ZNF609: variants seen among roughly 807,000 people sequenced by gnomAD.
ZNF609 encodes the protein zinc finger protein 609.
In ZNF609, 11 loss-of-function variants were observed where a neutral mutation model predicts 109.5. The ratio of observed to expected loss-of-function variants is 0.10; its 90% CI spans 0.06 to 0.17. The LOEUF (loss-of-function observed/expected upper bound fraction) is 0.17. Among genes scored for constraint, ZNF609 ranks in the 10% least tolerant of loss-of-function variants. ZNF609 has a pLI of 1.00. For missense variants in ZNF609, 1,559 were observed against 1,772.4 expected, an observed-to-expected ratio of 0.88 and a Z score of 2.16; for synonymous variants, 646 against 662.0, an observed-to-expected ratio of 0.98 and a Z score of 0.37.
At chr15:64,494,260 G>A (rs1333927577) in intron 1 of ZNF609, among the ~76,000 whole-genome samples, 3 of 151,994 alleles carry the variant, frequency 2.0e-5, no homozygotes, top group Non-Finnish European at 2.9e-5. Context: ...TTATAAATTT[G>A]AAAAAGGCCT....
chr15:64,618,390 C>T (rs969110717), intron 2 of ZNF609, among the ~76,000 whole-genome samples: 49 of 152,272 alleles, frequency 3.2e-4, no homozygotes, highest in Admixed American at 3.0e-3. Flanking sequence ...TGAATGCTTA[C>T]ATCTGAAGCC....
At chr15:64,564,378 T>G (rs986607306) in intron 2 of ZNF609, among the ~76,000 whole-genome samples, 4 of 152,042 alleles carry the variant, frequency 2.6e-5, no homozygotes, top group Admixed American at 6.6e-5. Flanking sequence ...TGTTATGTAA[T>G]CCACATTAGT....
intron 2 of ZNF609, among the ~76,000 whole-genome samples, chr15:64,571,717 T>TGG (rs1894862376): frequency 6.6e-6 from 1 of 152,146 alleles, no homozygotes; most frequent in African/African-American, 2.4e-5. Flanking sequence ...TCGCCCAGGC[T>TGG]GGAGGGCAGT....
At chr15:64,673,542 T>A (rs1896765192) in intron 4 of ZNF609, among the ~76,000 whole-genome samples, 1 of 152,234 alleles carries the variant, frequency 6.6e-6, no homozygotes. Flanking sequence ...GCTAGAGTCT[T>A]GTTGTATGTT....
intron 2 of ZNF609, among the ~76,000 whole-genome samples, chr15:64,576,997 A>G (rs529912285): frequency 3.2e-5 from 4 of 123,658 alleles, no homozygotes; most frequent in Non-Finnish European, 4.9e-5. Context: ...TATACACATA[A>G]ATATATATAT....
In ZNF609 at chr15:64,685,184, T is replaced by C. The variant is rs1028273834; in HGVS notation, c.*3498T>C. ...GTTTTTTTATATATATATATAAATA[T>C]ATATATATACAAACTGTACTCTTTT... On this transcript the variant is annotated 3_prime_UTR_variant, in exon 10 of 10. Coordinates refer to ENST00000326648, the MANE Select transcript of ZNF609 (RefSeq NM_015042.2). 2 of 150,770 alleles carry C rather than the reference T, an allele frequency of 1.3e-5. No individual in the cohort carries two copies. Among genetic ancestry groups the C allele is most frequent in the East Asian group, 1.9e-4 (1 of 5,176 alleles). The allele number at this position is 150,770 out of a possible 1,614,324, so 9.3% of individuals were successfully genotyped here.
Position 64,680,798 on chromosome 15 carries a change from C to G in ZNF609, c.4098C>G (p.His1366Gln). 6.2e-7 allele frequency: 1 copy of G among 1,609,822 alleles called. No individual in the cohort carries two copies. The highest frequency in any genetic ancestry group is 8.5e-7 in the Non-Finnish European group (1 of 1,178,864). ...TSPSQRLMST[H>Q]HHHHHLGYSL... ...CTTCCCAGCGCCTGATGTCCACACA[C>G]CACCACCACCACCACTTGGGGTACT... Residue 1366 changes from histidine to glutamine, a missense_variant, in exon 8 of 10, where the codon CAC becomes CAG. Coordinates refer to ENST00000326648, the MANE Select transcript of ZNF609 (RefSeq NM_015042.2).
At position 64,632,918 on chromosome 15, in the gene ZNF609, A is replaced by G. The variant is rs980674475; in HGVS notation, c.973+9866A>G. On this transcript the variant is annotated intron_variant, in intron 3 of 9. Transcript: ENST00000326648. ...CTCCCAAGTAGCTGGGACTACAGGC[A>G]CACACCACCATGCCCAACTAATTTT... Among the ~76,000 whole-genome samples the G allele has an allele frequency of 6.6e-5, 10 of 151,478 alleles. No homozygotes were observed. The Middle Eastern group carries it at 0.014, about 208-fold the overall frequency.
intron 6 of ZNF609, 101 bp from the exon 7 acceptor site, chr15:64,680,084 C>T (rs1168737988): frequency 1.3e-5 from 16 of 1,274,158 alleles, no homozygotes; most frequent in Non-Finnish European, 1.8e-5. Context: ...AATACCTCAG[C>T]CTGTGCCTAG....
rs1322072310 is a variant in ZNF609, at chr15:64,503,407, TTTGA to T, written c.747+3247_747+3250del. ...CTCTTGCCTGTTCCCTTGCCTTTAG[TTTGA>T]TTGATGGATTGTTAAGTTAGGGATG... On this transcript the variant is annotated intron_variant, in intron 2 of 9. Transcript: ENST00000326648. Among the ~76,000 whole-genome samples the T allele has an allele frequency of 6.6e-5, 10 of 152,104 alleles. No individual in the cohort carries two copies. The East Asian group carries it at 1.9e-3, about 29-fold the overall frequency.
chr15:64,634,121 GAA>G (rs1896132337), intron 3 of ZNF609, among the ~76,000 whole-genome samples: 2 of 152,030 alleles, frequency 1.3e-5, no homozygotes, highest in African/African-American at 4.8e-5. Flanking sequence ...GAGATGGAAA[GAA>G]GAGTAATTGT....
chr15:64,543,800 C>G lies in ZNF609; in HGVS notation c.747+43634C>G, dbSNP rs185148912. ...ATTTTAAGAAGCAATCAAAGTTTTA[C>G]TCTGATGAGTTTTTGTTTCCCAGAA... is the stretch of plus-strand genomic sequence containing the variant. On this transcript the variant is annotated intron_variant, in intron 2 of 9. Transcript: ENST00000326648. 2.0e-5 allele frequency among the ~76,000 whole-genome samples: 3 copies of G among 152,296 alleles called. No homozygotes were observed. The East Asian group carries it at 5.8e-4, about 29-fold the overall frequency.
chr15:64,465,641 A>G (rs1684458498), intron 1 of ZNF609, among the ~76,000 whole-genome samples: 1 of 151,214 alleles, frequency 6.6e-6, no homozygotes, highest in South Asian at 2.2e-4. Context: ...TCGGCCTCCC[A>G]AAGTGCTGGG....
intron 2 of ZNF609, among the ~76,000 whole-genome samples, chr15:64,619,243 T>A (rs1895844788): frequency 6.6e-6 from 1 of 152,166 alleles, no homozygotes; most frequent in Non-Finnish European, 1.5e-5. Flanking sequence ...CAAGCACTCC[T>A]CCTGCCTTGG....
chr15:64,535,040 C>CA (rs761161406), intron 2 of ZNF609, among the ~76,000 whole-genome samples: 7,430 of 132,826 alleles, frequency 0.056, 221 homozygotes, highest in South Asian at 0.097. Context: ...ACTCCGTCTC[C>CA]AAAAAAAAAA....
chr15:64,640,324 C>T (rs766929285), intron 3 of ZNF609, among the ~76,000 whole-genome samples: 30 of 152,080 alleles, frequency 2.0e-4, no homozygotes, highest in Admixed American at 5.2e-4. Context: ...AGGCATGAGC[C>T]GCTGCGTCAA....
intron 6 of ZNF609, 21 bp from the exon 7 acceptor site, chr15:64,680,164 G>C (rs367911188): frequency 6.2e-7 from 1 of 1,612,764 alleles, no homozygotes; most frequent in Non-Finnish European, 8.5e-7. Context: ...CTCTTTGACT[G>C]TTTGATTTCT....
At chr15:64,501,397 G>C (rs1396186037) in intron 2 of ZNF609, 1 of 152,194 alleles carries the variant, frequency 6.6e-6, no homozygotes, top group Non-Finnish European at 1.5e-5. Context: ...TTCTCCAGTA[G>C]CAGGTCTGTG....
At chr15:64,585,670 G>A (rs1895183534) in intron 2 of ZNF609, among the ~76,000 whole-genome samples, 1 of 152,134 alleles carries the variant, frequency 6.6e-6, no homozygotes, top group South Asian at 2.1e-4. Context: ...TGAGCACTCA[G>A]TAACCTTAGT....
Sources: gnomAD v4.1 joint callset for allele counts (sites outside exome capture counted in the v4.1 genomes callset) on GRCh38, gnomAD v4.1.1 for gene constraint, MANE v1.5 for transcripts, NCBI Gene and HGNC (gene_info 2026-07-23, HGNC 2026-07-21) for gene names.